FAM184A: variants seen among roughly 807,000 people sequenced by gnomAD.
FAM184A encodes protein FAM184A.
A neutral mutation model predicts 143.8 loss-of-function variants in FAM184A; 99 were observed. That is an observed-to-expected ratio of 0.69 (90% CI 0.58 to 0.81). FAM184A has a LOEUF of 0.81. Ranked by LOEUF, FAM184A falls within the 40% of genes least tolerant of loss-of-function variation. The pLI is 0.00. For synonymous variants in FAM184A, 427 were observed against 446.4 expected (o/e 0.96, Z 0.55); for missense variants, 1,217 against 1,310.5 (o/e 0.93, Z 1.10).
At chr6:118,971,907 T>A (rs1340165255) in intron 14 of FAM184A, among the ~76,000 whole-genome samples, 2 of 152,338 alleles carry the variant, frequency 1.3e-5, no homozygotes, top group East Asian at 3.9e-4. Flanking sequence ...AGTGGCAGGC[T>A]GTGGCCTGTC....
upstream of FAM184A, among the ~76,000 whole-genome samples, chr6:119,080,845 A>AC (rs989693401): frequency 2.4e-4 from 36 of 152,208 alleles, no homozygotes; most frequent in African/African-American, 8.2e-4. Flanking sequence ...ATAAAAAAAA[A>AC]CCTGAGTCTT....
chr6:119,061,104 AG>A (rs1435812453), intron 1 of FAM184A, among the ~76,000 whole-genome samples: 3 of 152,234 alleles, frequency 2.0e-5, no homozygotes, highest in African/African-American at 7.2e-5. Context: ...ATGCAAAGCC[AG>A]GATGTTAGTG....
At chr6:119,132,119 A>G (rs1341380068) in intron 1 of FAM184A, among the ~76,000 whole-genome samples, 2 of 152,216 alleles carry the variant, frequency 1.3e-5, no homozygotes, top group Non-Finnish European at 2.9e-5. Flanking sequence ...GCTCCCCCAT[A>G]AAACATTCCT....
In FAM184A at chr6:119,003,041, C is replaced by A. The variant is rs754917633; in HGVS notation, c.1946G>T (p.Cys649Phe). The change falls in exon 9 of 18, where the codon TGT becomes TTT. Residue 649 changes from cysteine (C) to phenylalanine (F), a missense_variant. By Grantham distance (205) the Cys-to-Phe change is radical (BLOSUM62 -2). Transcript: ENST00000338891. ...CCTTAACTCTTCACGAAGTTTAGAACACTCTTGTCTAAAATAAAACAACTG... is the reference window on the plus strand; with the variant it reads ...CCTTAACTCTTCACGAAGTTTAGAAAACTCTTGTCTAAAATAAAACAACTG... ...IKWTENLRQE[C>F]SKLREELRLQ... 6.2e-7 allele frequency: 1 copy of A among 1,603,690 alleles called. No individual in the cohort carries two copies.
chr6:119,095,699 C>T (rs1206777174), intron 1 of FAM184A, among the ~76,000 whole-genome samples: 5 of 152,112 alleles, frequency 3.3e-5, no homozygotes, highest in Non-Finnish European at 5.9e-5. Flanking sequence ...GCTAGGACTA[C>T]AAGTGCACAC....
chr6:119,023,634 T>G (rs1785530588), intron 2 of FAM184A, among the ~76,000 whole-genome samples: 1 of 127,238 alleles, frequency 7.9e-6, no homozygotes, highest in Non-Finnish European at 1.6e-5. Context: ...CCTGAAGCGA[T>G]CCTCCTGCCT....
At chr6:118,996,469 C>G (rs1784549528) in intron 9 of FAM184A, among the ~76,000 whole-genome samples, 1 of 152,198 alleles carries the variant, frequency 6.6e-6, no homozygotes, top group Non-Finnish European at 1.5e-5. Flanking sequence ...TTCTCACTTT[C>G]CTTTCTAGCT....
intron 1 of FAM184A, among the ~76,000 whole-genome samples, chr6:119,092,084 C>A (rs1176350768): frequency 1.1e-4 from 16 of 152,202 alleles, no homozygotes; most frequent in Admixed American, 9.2e-4. Context: ...TGAAGATGTG[C>A]ATGTTCATTT....
At chr6:119,068,207 C>A (rs557708175) in intron 1 of FAM184A, among the ~76,000 whole-genome samples, 222 of 151,776 alleles carry the variant, frequency 1.5e-3, no homozygotes, top group Non-Finnish European at 2.0e-3. Flanking sequence ...CCACCACACT[C>A]GGCTAATTTT....
intron 13 of FAM184A, 113 bp from the exon 14 acceptor site, chr6:118,974,687 T>C: frequency 1.1e-6 from 1 of 881,532 alleles, no homozygotes; most frequent in South Asian, 2.1e-5. Flanking sequence ...AGAAAATTTA[T>C]GTAAACAGCC....
intron 9 of FAM184A, among the ~76,000 whole-genome samples, chr6:118,997,695 CAG>C (rs1491162132): frequency 3.3e-5 from 5 of 151,048 alleles, no homozygotes; most frequent in South Asian, 2.1e-4. Context: ...GACTCCATCT[CAG>C]GGGAAAAAAA....
At chr6:119,109,895 A>C (rs934259455) in intron 1 of FAM184A, among the ~76,000 whole-genome samples, 1 of 152,182 alleles carries the variant, frequency 6.6e-6, no homozygotes, top group Non-Finnish European at 1.5e-5. Context: ...ATAAAAATGT[A>C]GTTCTGCCCT....
chr6:119,051,182 A>G lies in FAM184A; in HGVS notation c.160-26369T>C, dbSNP rs139652322. Among the ~76,000 whole-genome samples, 516 of 152,324 alleles carry G rather than the reference A, an allele frequency of 3.4e-3. 4 individuals carry two copies. The highest frequency in any genetic ancestry group is 0.012 in the African/African-American group (494 of 41,560). Reference sequence around the variant, plus strand: ...AAAGAAAATGTGGTACATGTACACAATGGAATACAATTCAGCCATAAAAAA... The same window carrying G: ...AAAGAAAATGTGGTACATGTACACAGTGGAATACAATTCAGCCATAAAAAA... On this transcript the variant is annotated intron_variant, in intron 1 of 17. Transcript: ENST00000338891.
chr6:119,047,882 C>A (rs1432371464), intron 1 of FAM184A, among the ~76,000 whole-genome samples: 1 of 152,084 alleles, frequency 6.6e-6, no homozygotes, highest in Non-Finnish European at 1.5e-5. Context: ...TTCTATAAGG[C>A]CAGCATTAGT....
At chr6:119,092,265 G>T (rs1030670911) in intron 1 of FAM184A, among the ~76,000 whole-genome samples, 4 of 152,076 alleles carry the variant, frequency 2.6e-5, no homozygotes, top group African/African-American at 4.8e-5. Flanking sequence ...AGCCTTCCAA[G>T]TTGCTGGGAC....
At position 119,085,625 on chromosome 6, in the gene FAM184A, T is replaced by A. The variant is rs145900905; in HGVS notation, c.-201-60812A>T. ...CCTAGTTCCAAAGTCACTTCCACATTTTCAGGTATATTTACAGCAACGCCC... is the reference window on the plus strand; with the variant it reads ...CCTAGTTCCAAAGTCACTTCCACATATTCAGGTATATTTACAGCAACGCCC... On this transcript the variant is annotated intron_variant, in intron 1 of 16. Transcript: ENST00000352896. Among the ~76,000 whole-genome samples the A allele has an allele frequency of 9.8e-5, 15 of 152,330 alleles. No individual in the cohort carries two copies. In the East Asian group the frequency reaches 2.9e-3, roughly 29 times the overall value.
At chr6:118,966,684 T>C in intron 15 of FAM184A, 151 bp downstream of exon 15, 1 of 425,310 alleles carries the variant, frequency 2.4e-6, no homozygotes, top group East Asian at 3.6e-5. Context: ...AATTACTTTA[T>C]TCATAAACAT....
intron 9 of FAM184A, among the ~76,000 whole-genome samples, chr6:119,000,046 C>T (rs538346171): frequency 5.3e-5 from 8 of 152,272 alleles, no homozygotes; most frequent in African/African-American, 1.7e-4. Flanking sequence ...TTCACATCTA[C>T]AAAATGGAGA....
At chr6:119,046,335 T>A (rs1786532761) in intron 1 of FAM184A, among the ~76,000 whole-genome samples, 1 of 151,818 alleles carries the variant, frequency 6.6e-6, no homozygotes, top group African/African-American at 2.4e-5. Context: ...GCGATCCTCC[T>A]GACTCAGCCT....
Sources: gnomAD v4.1 joint callset for allele counts (sites outside exome capture counted in the v4.1 genomes callset) on GRCh38, gnomAD v4.1.1 for gene constraint, MANE v1.5 for transcripts, NCBI Gene and HGNC (gene_info 2026-07-23, HGNC 2026-07-21) for gene names.